ZNF155: variants seen among roughly 807,000 people sequenced by gnomAD.
ZNF155 encodes the protein zinc finger protein 155.
Under a neutral mutation model 11.9 loss-of-function variants are expected in ZNF155, and 15 were observed. That is an observed-to-expected ratio of 1.26 (90% CI 0.84 to 1.94). The LOEUF (loss-of-function observed/expected upper bound fraction) is 1.94. Ranked by LOEUF, ZNF155 falls within the 30% of genes most tolerant of loss-of-function variation. The pLI, the probability that ZNF155 is intolerant of heterozygous loss-of-function variation, is 0.00. For synonymous variants in ZNF155, 212 were observed against 219.9 expected, an observed-to-expected ratio of 0.96 and a Z score of 0.32; for missense variants, 602 against 639.1, an observed-to-expected ratio of 0.94 and a Z score of 0.63.
At position 43,996,213 on chromosome 19, in the gene ZNF155, T is replaced by A; in HGVS notation, c.356T>A (p.Ile119Lys). 6.2e-7 allele frequency: 1 copy of A among 1,614,160 alleles called. No homozygotes were observed. Among genetic ancestry groups the A allele is most frequent in the South Asian group, 1.1e-5 (1 of 91,078 alleles). Residue 119 changes from isoleucine (I) to lysine (K), a missense_variant, in exon 5 of 5, where the codon ATA (isoleucine) becomes AAA (lysine). Coordinates refer to ENST00000270014, the MANE Select transcript of ZNF155 (RefSeq NM_198089.3). ...KDLTRSQDSI[I>K]NNSQFFENGD... ...TTAACCAGGTCTCAGGACTCTATCA[T>A]AAATAACTCTCAGTTCTTTGAAAAT... is the stretch of plus-strand genomic sequence containing the variant.
chr19:43,988,623 T>C, intron 2 of ZNF155, 65 bp downstream of exon 2: 2 of 1,552,606 alleles, frequency 1.3e-6, no homozygotes, highest in Non-Finnish European at 1.8e-6. Context: ...TCATGTGTTT[T>C]TCTCTGTCAT....
intron 4 of ZNF155, among the ~76,000 whole-genome samples, chr19:43,995,535 G>C (rs445265): frequency 0.032 from 4,791 of 151,560 alleles, 310 homozygotes; most frequent in African/African-American, 0.11. Flanking sequence ...CAGAGTGCAC[G>C]ACCACACCTG....
intron 4 of ZNF155, among the ~76,000 whole-genome samples, chr19:43,992,665 A>G (rs931702280): frequency 3.3e-5 from 5 of 152,114 alleles, no homozygotes. Context: ...GTCCCTTGTG[A>G]TTGCATTGGT....
At chr19:43,988,372 G>A (rs541655199) in intron 1 of ZNF155, 87 bp from the exon 2 acceptor site, 1 of 484,070 alleles carries the variant, frequency 2.1e-6, no homozygotes, top group Admixed American at 4.0e-5. Context: ...AGGCATCTTG[G>A]TTGTGTGCAG....
At chr19:43,995,575 G>A (rs556294309) in intron 4 of ZNF155, among the ~76,000 whole-genome samples, 1 of 151,834 alleles carries the variant, frequency 6.6e-6, no homozygotes, top group Non-Finnish European at 1.5e-5. Context: ...GTAGGGACAG[G>A]GTTTTGCTAT....
chr19:43,990,027 A>G lies in ZNF155; in HGVS notation c.15+1469A>G, dbSNP rs186625980. The G allele has an allele frequency of 5.4e-6, 8 of 1,483,144 alleles. No individual in the cohort carries two copies. The African/African-American group carries it at 1.1e-4, about 21-fold the overall frequency. 91.9% of individuals were successfully genotyped at this position (1,483,144 alleles called of 1,614,324 possible). A position where few individuals can be genotyped will look rare whatever the true frequency, so the allele number is the denominator to read the frequency against. ...AATGATTTGTTCCCCAAATCAGATT[A>G]CCAAGACTGTGGGAATACTTATAAC... On this transcript the variant is annotated intron_variant, in intron 2 of 4. Transcript: ENST00000270014.
In ZNF155 at chr19:43,997,780, G is replaced by A; in HGVS notation, c.*306G>A. On this transcript the variant is annotated 3_prime_UTR_variant, in exon 5 of 5. Transcript: ENST00000270014. ...TGTGCCTGGAGACATGCCCATGGCT[G>A]CACAGATAGAAGAACCTCCAGCCCA... 1 of 230,042 alleles carries A rather than the reference G, an allele frequency of 4.3e-6. No individual in the cohort carries two copies. Among genetic ancestry groups the A allele is most frequent in the Non-Finnish European group, 8.5e-6 (1 of 117,878 alleles). 14.3% of individuals were successfully genotyped at this position (230,042 alleles called of 1,614,324 possible). A position where few individuals can be genotyped will look rare whatever the true frequency, so the allele number is the denominator to read the frequency against.
chr19:43,997,452 C>A lies in ZNF155; in HGVS notation c.1595C>A (p.Ser532Ter), dbSNP rs142268730. ...KRRLNLDILL[S>*]LFLNDT ...CGCTTGAATCTGGATATACTTTTAT[C>A]ATTATTTCTAAATGACACATAATTG... is the stretch of plus-strand genomic sequence containing the variant. Residue 532 changes from serine (S) to a stop codon, truncating the protein, a stop_gained, in exon 5 of 5, where the codon TCA (serine) becomes TAA (stop). Coordinates refer to ENST00000270014, the MANE Select transcript of ZNF155 (RefSeq NM_198089.3). LOFTEE classifies it high-confidence loss of function. The A allele has an allele frequency of 6.3e-7, 1 of 1,597,576 alleles. No individual in the cohort carries two copies. Among genetic ancestry groups the A allele is most frequent in the East Asian group, 2.2e-5 (1 of 44,798 alleles).
chr19:43,991,901 A>C lies in ZNF155; in HGVS notation c.202A>C (p.Met68Leu), dbSNP rs767922990. ...HFLREEKFWMMGTATQREGNS... is the reference protein window; with the variant it reads ...HFLREEKFWMLGTATQREGNS... The stretch of plus-strand genomic sequence containing the variant: ...CCTAAGGGAAGAAAAGTTTTGGATG[A>C]TGGGGACAGCAACCCAAAGAGAAGG... Residue 68 changes from methionine (M) to leucine (L), a missense_variant, in exon 4 of 5, where the codon ATG becomes CTG. Met to Leu is a conservative substitution (Grantham distance 15). Transcript: ENST00000270014. 1.2e-6 allele frequency: 2 copies of C among 1,613,972 alleles called. No homozygotes were observed. The highest frequency in any genetic ancestry group is 3.3e-5 in the Admixed American group (2 of 60,016).
In ZNF155 at chr19:43,997,352, C is replaced by G. The variant is rs752705382; in HGVS notation, c.1495C>G (p.Arg499Gly). The part of the protein sequence containing the change: ...CGKRLVHRTY[R>G]KDQPRDYSGE... Reference sequence around the variant, plus strand: ...AAAGAGGCTTGTACACAGGACATACCGTAAAGACCAGCCGAGAGACTATAG... The same window carrying G: ...AAAGAGGCTTGTACACAGGACATACGGTAAAGACCAGCCGAGAGACTATAG... Residue 499 changes from arginine (R) to glycine (G), a missense_variant, in exon 5 of 5, where the codon CGT (arginine) becomes GGT (glycine). Physicochemically the swap from Arg to Gly is moderately radical, Grantham distance 125. Transcript: ENST00000270014. 65 of 1,613,514 alleles carry G rather than the reference C, an allele frequency of 4.0e-5. No homozygotes were observed. Among genetic ancestry groups the G allele is most frequent in the Admixed American group, 3.0e-4 (18 of 59,970 alleles).
intron 3 of ZNF155, 43 bp from the exon 4 acceptor site, chr19:43,991,799 C>G (rs745765786): frequency 6.2e-7 from 1 of 1,607,166 alleles, no homozygotes. Context: ...AAATATTACC[C>G]AGAATGTGTT....
At position 43,996,567 on chromosome 19, in the gene ZNF155, G is replaced by A; in HGVS notation, c.710G>A (p.Cys237Tyr). ...GAGAAACCATTCAAATGTGAGCAAT[G>A]TGGGAAAGGTTTCAGTCGTAGATCA... ...TGEKPFKCEQCGKGFSRRSAL... is the reference protein window; with the variant it reads ...TGEKPFKCEQYGKGFSRRSAL... Residue 237 changes from cysteine to tyrosine, a missense_variant, in exon 5 of 5, where the codon TGT becomes TAT. Cys to Tyr is a radical substitution (Grantham distance 194). Coordinates refer to ENST00000270014, the MANE Select transcript of ZNF155 (RefSeq NM_198089.3). 1 of 1,614,132 alleles carries A rather than the reference G, an allele frequency of 6.2e-7. No individual in the cohort carries two copies. Among genetic ancestry groups the A allele is most frequent in the Non-Finnish European group, 8.5e-7 (1 of 1,180,012 alleles).
chr19:43,988,724 G>A (rs1474680919), intron 2 of ZNF155, 166 bp downstream of exon 2: 1 of 617,118 alleles, frequency 1.6e-6, no homozygotes. Context: ...TTTGGTTTTT[G>A]GTTTTGCTTT....
chr19:43,995,039 C>T (rs969649937), intron 4 of ZNF155, among the ~76,000 whole-genome samples: 1 of 152,136 alleles, frequency 6.6e-6, no homozygotes, highest in Non-Finnish European at 1.5e-5. Flanking sequence ...AGGTATGACA[C>T]TTCAGGATCC....
In ZNF155 at chr19:43,997,495, C is replaced by A; in HGVS notation, c.*21C>A. ...CATAATTGTTCATATTTATGGGGTA[C>A]AACGTGCTATTTTAATGTGTGCATA... On this transcript the variant is annotated 3_prime_UTR_variant, in exon 5 of 5. Transcript: ENST00000270014. The A allele has an allele frequency of 6.4e-7, 1 of 1,553,676 alleles. No individual in the cohort carries two copies. The highest frequency in any genetic ancestry group is 8.7e-7 in the Non-Finnish European group (1 of 1,150,704).
At chr19:43,986,363 A>G (rs1171704694) in intron 1 of ZNF155, among the ~76,000 whole-genome samples, 1 of 151,852 alleles carries the variant, frequency 6.6e-6, no homozygotes, top group East Asian at 1.9e-4. Flanking sequence ...TTCTTTAACT[A>G]TGGAAATTTT....
chr19:43,990,155 C>G, intron 2 of ZNF155: 1 of 1,219,508 alleles, frequency 8.2e-7, no homozygotes, highest in African/African-American at 1.5e-5. Flanking sequence ...TATATGATCA[C>G]AGTTCTAAAT....
At position 43,998,240 on chromosome 19, in the gene ZNF155, G is replaced by C. The variant is rs1975983831; in HGVS notation, c.*766G>C. On this transcript the variant is annotated 3_prime_UTR_variant, in exon 5 of 5. Transcript: ENST00000270014. ...CAGTCCATAAAAACCCCGGACCCCA[G>C]CCTCATACTGGGCAACTTATTTGGA... is the stretch of plus-strand genomic sequence containing the variant. The C allele has an allele frequency of 6.6e-6, 1 of 152,142 alleles. No homozygotes were observed. The highest frequency in any genetic ancestry group is 6.5e-5 in the Admixed American group (1 of 15,272). The allele number at this position is 152,142 out of a possible 1,614,324, so 9.4% of individuals were successfully genotyped here.
At chr19:43,988,332 C>A in intron 1 of ZNF155, 127 bp from the exon 2 acceptor site, 1 of 418,284 alleles carries the variant, frequency 2.4e-6, no homozygotes, top group South Asian at 1.0e-4. Flanking sequence ...ATGGATACAC[C>A]ACCATTTGCC....
Sources: gnomAD v4.1 joint callset for allele counts (sites outside exome capture counted in the v4.1 genomes callset) on GRCh38, gnomAD v4.1.1 for gene constraint, MANE v1.5 for transcripts, NCBI Gene and HGNC (gene_info 2026-07-23, HGNC 2026-07-21) for gene names.